CEP164: variants seen among roughly 807,000 people sequenced by gnomAD.
The protein encoded by CEP164 is centrosomal protein of 164 kDa.
A neutral mutation model predicts 182.7 loss-of-function variants in CEP164; 162 were observed. The observed-to-expected ratio is 0.89, with a 90% confidence interval of 0.78 to 1.01. The LOEUF (loss-of-function observed/expected upper bound fraction) is 1.01, where lower values mean the gene tolerates loss of function less well. Among genes scored for constraint, CEP164 ranks in the 50% least tolerant of loss-of-function variants. CEP164 has a pLI of 0.00. For missense variants in CEP164, 1,735 were observed against 1,790.4 expected (o/e 0.97, Z 0.56); for synonymous variants, 661 against 690.0 (o/e 0.96, Z 0.66).
Position 117,338,653 on chromosome 11 carries a change from A to C in CEP164, c.67A>C (p.Ile23Leu). ...VLEEDYDETY[I>L]PSEQEILEFA... ...GGAAGAAGATTATGATGAGACCTACATTCCTAGTGAGCAAGGTAACAAGTC... is the reference window on the plus strand; with the variant it reads ...GGAAGAAGATTATGATGAGACCTACCTTCCTAGTGAGCAAGGTAACAAGTC... The change falls in exon 3 of 33, where the codon ATT (isoleucine) becomes CTT (leucine). Residue 23 changes from isoleucine to leucine, a missense_variant. By Grantham distance (5) the Ile-to-Leu change is conservative. Transcript: ENST00000278935. 2 of 1,613,582 alleles carry C rather than the reference A, an allele frequency of 1.2e-6. No homozygotes were observed. The highest frequency in any genetic ancestry group is 1.7e-6 in the Non-Finnish European group (2 of 1,179,492).
intron 4 of CEP164, among the ~76,000 whole-genome samples, chr11:117,349,794 T>C (rs2039389510): frequency 6.6e-6 from 1 of 152,176 alleles, no homozygotes; most frequent in South Asian, 2.1e-4. Flanking sequence ...CTACCAGCAG[T>C]GTACAAGGGT....
At chr11:117,396,522 A>G (rs2045490604) in intron 25 of CEP164, 28 bp from the exon 26 acceptor site, 1 of 1,597,730 alleles carries the variant, frequency 6.3e-7, no homozygotes, top group Admixed American at 1.7e-5. Context: ...TGCTACACTC[A>G]GTGGACTTTT....
At chr11:117,407,428 C>G (rs2046815547) in intron 27 of CEP164, among the ~76,000 whole-genome samples, 1 of 124,820 alleles carries the variant, frequency 8.0e-6, no homozygotes, top group African/African-American at 3.0e-5. Flanking sequence ...TGAGACCAGC[C>G]TGGCCAACAT....
At chr11:117,348,308 A>C (rs1209882664) in intron 4 of CEP164, among the ~76,000 whole-genome samples, 1 of 152,198 alleles carries the variant, frequency 6.6e-6, no homozygotes, top group Non-Finnish European at 1.5e-5. Flanking sequence ...TCAATTAAAA[A>C]AAATCGTCAA....
intron 8 of CEP164, among the ~76,000 whole-genome samples, chr11:117,369,282 A>G (rs2041961371): frequency 6.6e-6 from 1 of 152,326 alleles, no homozygotes; most frequent in Non-Finnish European, 1.5e-5. Context: ...ATTCTTCCCA[A>G]CAACGCTCCT....
intron 16 of CEP164, 38 bp from the exon 17 acceptor site, chr11:117,390,961 G>C (rs1345924792): frequency 6.2e-7 from 1 of 1,614,018 alleles, no homozygotes; most frequent in South Asian, 1.1e-5. Flanking sequence ...CGACCCCAGG[G>C]TGCACAGGCC....
At chr11:117,333,286 A>G in intron 1 of CEP164, among the ~76,000 whole-genome samples, 1 of 151,712 alleles carries the variant, frequency 6.6e-6, no homozygotes, top group East Asian at 2.0e-4. Flanking sequence ...CCCTGTTATT[A>G]CAGGTGTGAG....
intron 11 of CEP164, among the ~76,000 whole-genome samples, chr11:117,379,072 A>C (rs1387951753): frequency 6.6e-6 from 1 of 152,124 alleles, no homozygotes; most frequent in Non-Finnish European, 1.5e-5. Flanking sequence ...GGGGGAAGAC[A>C]AGTTGTGAGT....
At position 117,395,135 on chromosome 11, in the gene CEP164, C is replaced by T. The variant is rs767099855; in HGVS notation, c.2857C>T (p.Arg953Trp). 21 of 1,614,022 alleles carry T rather than the reference C, an allele frequency of 1.3e-5. No individual in the cohort carries two copies. The highest frequency in any genetic ancestry group is 8.9e-5 in the East Asian group (4 of 44,884). The change falls in exon 23 of 33, where the codon CGG becomes TGG. Residue 953 changes from arginine (R) to tryptophan (W), a missense_variant. By Grantham distance (101) the Arg-to-Trp change is moderately radical (BLOSUM62 -3). Coordinates refer to ENST00000278935, the MANE Select transcript of CEP164 (RefSeq NM_014956.5). ...ALLEVQEETARREKQQLLDVQ... is the reference protein window; with the variant it reads ...ALLEVQEETAWREKQQLLDVQ... ...TCTTCCCTGCAAGGAGGAGACCGCC[C>T]GGAGGGAGAAGCAGCAGCTGCTTGA...
intron 15 of CEP164, among the ~76,000 whole-genome samples, chr11:117,389,262 G>A (rs1654121404): frequency 6.6e-6 from 1 of 152,122 alleles, no homozygotes; most frequent in African/African-American, 2.4e-5. Flanking sequence ...GGCTGTGTGA[G>A]GAGTTACCCA....
At chr11:117,377,289 C>T (rs564265580) in intron 11 of CEP164, among the ~76,000 whole-genome samples, 1 of 152,222 alleles carries the variant, frequency 6.6e-6, no homozygotes, top group African/African-American at 2.4e-5. Context: ...CCTGTCAGAA[C>T]CCAGTGCCAC....
At chr11:117,328,419 T>G (rs912465004) in intron 1 of CEP164, among the ~76,000 whole-genome samples, 13 of 152,212 alleles carry the variant, frequency 8.5e-5, no homozygotes, top group Non-Finnish European at 1.8e-4. Context: ...CTTTTTTGTT[T>G]TTTCCTTTTC....
At chr11:117,338,475 G>C in intron 2 of CEP164, 91 bp from the exon 3 acceptor site, 1 of 912,632 alleles carries the variant, frequency 1.1e-6, no homozygotes, top group Non-Finnish European at 1.8e-6. Flanking sequence ...GGTCTGGTTT[G>C]ACCCAGATGC....
chr11:117,392,586 G>A lies in CEP164; in HGVS notation c.2452G>A (p.Val818Ile). 1 of 1,614,206 alleles carries A rather than the reference G, an allele frequency of 6.2e-7. No homozygotes were observed. The highest frequency in any genetic ancestry group is 8.5e-7 in the Non-Finnish European group (1 of 1,180,036). Residue 818 changes from valine to isoleucine, a missense_variant, in exon 19 of 33, where the codon GTT (valine) becomes ATT (isoleucine). Physicochemically the swap from Val to Ile is conservative, Grantham distance 29. Transcript: ENST00000278935. ...QKCLGQVEHR[V>I]HQKSYHVAGY... ...GTGCCTTGGGCAAGTGGAGCACAGAGTTCACCAGAAGTCTTATCACGTGGC... is the reference window on the plus strand; with the variant it reads ...GTGCCTTGGGCAAGTGGAGCACAGAATTCACCAGAAGTCTTATCACGTGGC...
intron 3 of CEP164, among the ~76,000 whole-genome samples, chr11:117,340,914 A>G (rs1565423609): frequency 6.6e-6 from 1 of 152,056 alleles, no homozygotes; most frequent in Non-Finnish European, 1.5e-5. Context: ...GCTCGCTGCA[A>G]CCTCCAGGTT....
At chr11:117,351,603 T>C (rs933749571) in intron 4 of CEP164, among the ~76,000 whole-genome samples, 187 bp from the exon 5 acceptor site, 3 of 152,178 alleles carry the variant, frequency 2.0e-5, no homozygotes, top group Non-Finnish European at 4.4e-5. Flanking sequence ...TGGTACCCTT[T>C]GATTTTGTGT....
chr11:117,388,586 AGAAGGC>A (rs1355962154), intron 15 of CEP164, among the ~76,000 whole-genome samples: 1 of 152,162 alleles, frequency 6.6e-6, no homozygotes, highest in Non-Finnish European at 1.5e-5. Flanking sequence ...TTCTGGAATG[AGAAGGC>A]AGGCAGGCTG....
chr11:117,324,064 C>T (rs769544963), upstream of CEP164: 5 of 235,186 alleles, frequency 2.1e-5, no homozygotes, highest in Non-Finnish European at 4.5e-5. Flanking sequence ...AAATATGACC[C>T]CTAAATGTTC....
intron 1 of CEP164, among the ~76,000 whole-genome samples, chr11:117,321,990 T>G (rs1454144031): frequency 6.6e-6 from 1 of 152,194 alleles, no homozygotes; most frequent in Non-Finnish European, 1.5e-5. Flanking sequence ...GAGCCATTGC[T>G]CTCGGCTGTT....
Sources: allele counts gnomAD v4.1 joint callset (sites outside exome capture counted in the v4.1 genomes callset), GRCh38; gene constraint gnomAD v4.1.1; transcripts MANE v1.5; gene names NCBI Gene and HGNC (gene_info 2026-07-23, HGNC 2026-07-21).